The following SGIP1 variants were observed in gnomAD, a reference collection of about 807,000 sequenced individuals.
SGIP1 encodes the protein SH3-containing GRB2-like protein 3-interacting protein 1.
A neutral mutation model predicts 107.5 loss-of-function variants in SGIP1; 38 were observed. The observed-to-expected ratio is 0.35, with a 90% CI of 0.27 to 0.46. The LOEUF (loss-of-function observed/expected upper bound fraction) is 0.46, where lower values mean the gene tolerates loss of function less well. Among genes scored for constraint, SGIP1 ranks in the 20% least tolerant of loss-of-function variants. The pLI, the probability that SGIP1 is intolerant of heterozygous loss-of-function variation, is 1.00. For missense variants in SGIP1, 929 were observed against 1,019.5 expected (o/e 0.91, Z 1.21); for synonymous variants, 365 against 366.1 (o/e 1.00, Z 0.03).
chr1:66,541,384 G>T (rs934053153), intron 1 of SGIP1, among the ~76,000 whole-genome samples: 2 of 152,238 alleles, frequency 1.3e-5, no homozygotes, highest in South Asian at 2.1e-4. Flanking sequence ...TACCCGTTCT[G>T]TGAATGTCTT....
In SGIP1 at chr1:66,673,291, C is replaced by T; in HGVS notation, c.571C>T (p.Pro191Ser). Residue 191 changes from proline (P) to serine (S), a missense_variant, in exon 12 of 25, where the codon CCA (proline) becomes TCA (serine). Physicochemically the swap from Pro to Ser is moderately conservative, Grantham distance 74. Transcript: ENST00000371037. ...PTPELISKKP[P>S]DDTTALAPLF... ...ATGTGTGTGATTTAGCAAAAAGCCT[C>T]CAGATGACACTACGGCCCTTGCTCC... 6.2e-7 allele frequency: 1 copy of T among 1,614,042 alleles called. No homozygotes were observed. Among genetic ancestry groups the T allele is most frequent in the South Asian group, 1.1e-5 (1 of 91,066 alleles).
rs35405444 is a variant in SGIP1, at chr1:66,682,344, G to A, written c.1290G>A (p.Ser430=). Residue 430 remains serine (S), a synonymous_variant, in exon 15 of 25, where the codon TCG becomes TCA. Transcript: ENST00000371037. ...TGGTTTCGTCCCCCGGACCTGGCTCGGGCCCTGGTCCGGGGACCACCAGTG... is the reference window on the plus strand; with the variant it reads ...TGGTTTCGTCCCCCGGACCTGGCTCAGGCCCTGGTCCGGGGACCACCAGTG... The part of the protein sequence containing the change: ...RTVVSSPGPG[S]GPGPGTTSGA... The A allele has an allele frequency of 1.8e-3, 2,927 of 1,613,380 alleles. 51 individuals carry two copies. The African/African-American group carries it at 0.034, about 19-fold the overall frequency.
In SGIP1 at chr1:66,749,001, GA is replaced by G. The variant is rs1008396893; in HGVS notation, c.*5913del. ...TAAATAAAATAACCAGGAATGCTTT[GA>G]AAAAAATGCTTCTGGAATTTTGTTT... On this transcript the variant is annotated 3_prime_UTR_variant, in exon 25 of 25. Coordinates refer to ENST00000371037, the MANE Select transcript of SGIP1 (RefSeq NM_032291.4). Among the ~76,000 whole-genome samples, 6 of 151,562 alleles carry G rather than the reference GA, an allele frequency of 4.0e-5. No homozygotes were observed. In the East Asian group the frequency reaches 5.8e-4, roughly 15 times the overall value.
chr1:66,690,087 A>T, intron 16 of SGIP1, 103 bp from the exon 17 acceptor site: 7 of 1,336,340 alleles, frequency 5.2e-6, no homozygotes, highest in Non-Finnish European at 6.2e-6. Flanking sequence ...TATTCTTCAG[A>T]TACCTAAGTT....
chr1:66,565,746 T>G (rs570837300), intron 1 of SGIP1, among the ~76,000 whole-genome samples: 1 of 152,150 alleles, frequency 6.6e-6, no homozygotes, highest in East Asian at 1.9e-4. Flanking sequence ...TGCTTACACA[T>G]TTATTCAACA....
chr1:66,651,176 C>G (rs1187131937), intron 7 of SGIP1, among the ~76,000 whole-genome samples: 7 of 152,152 alleles, frequency 4.6e-5, no homozygotes, highest in Non-Finnish European at 8.8e-5. Context: ...ATATCAAAGT[C>G]ATCCTTTAAG....
intron 1 of SGIP1, among the ~76,000 whole-genome samples, chr1:66,574,969 C>T (rs1380832392): frequency 6.6e-6 from 1 of 152,112 alleles, no homozygotes; most frequent in Non-Finnish European, 1.5e-5. Flanking sequence ...AATGTTCTTC[C>T]ATTCCAAAAT....
At chr1:66,734,095 T>A (rs933217485) in intron 21 of SGIP1, among the ~76,000 whole-genome samples, 3 of 152,138 alleles carry the variant, frequency 2.0e-5, no homozygotes, top group African/African-American at 7.2e-5. Flanking sequence ...ACAAGTAAAA[T>A]ATTTTATCAC....
chr1:66,708,320 A>T (rs1455998699), intron 18 of SGIP1, among the ~76,000 whole-genome samples: 3 of 152,186 alleles, frequency 2.0e-5, no homozygotes, highest in African/African-American at 7.2e-5. Flanking sequence ...TGATATATTT[A>T]TTCATATTCT....
At chr1:66,544,188 A>G (rs936051212) in intron 1 of SGIP1, among the ~76,000 whole-genome samples, 20 of 152,110 alleles carry the variant, frequency 1.3e-4, no homozygotes, top group Admixed American at 9.8e-4. Context: ...TTTATTCTCA[A>G]TGTCCATGTG....
chr1:66,658,122 T>A (rs2080156383), intron 7 of SGIP1, among the ~76,000 whole-genome samples: 1 of 152,206 alleles, frequency 6.6e-6, no homozygotes, highest in Non-Finnish European at 1.5e-5. Flanking sequence ...TGTGTGTTCA[T>A]GTTTAGTCTT....
chr1:66,628,812 C>A (rs12081691), intron 2 of SGIP1, among the ~76,000 whole-genome samples: 3 of 151,232 alleles, frequency 2.0e-5, no homozygotes, highest in African/African-American at 7.3e-5. Context: ...GGTACTCTAA[C>A]GAGACATTTG....
rs144560693 is a variant in SGIP1 at position 66,586,203 on chromosome 1, T to A, written c.11-39644T>A. 1.4e-3 allele frequency among the ~76,000 whole-genome samples: 207 copies of A among 152,296 alleles called. 6 individuals carry two copies. The East Asian group carries it at 0.036, about 27-fold the overall frequency. On this transcript the variant is annotated intron_variant, in intron 1 of 24. Coordinates refer to ENST00000371037, the MANE Select transcript of SGIP1 (RefSeq NM_032291.4). ...GTCTTCATAATATATTTTCCCATGTTTTGCCTTCAATTTGCCTAGGTTATT... is the reference window on the plus strand; with the variant it reads ...GTCTTCATAATATATTTTCCCATGTATTGCCTTCAATTTGCCTAGGTTATT...
rs527647634 is a variant in SGIP1, at chr1:66,537,448, CT to C, written c.10+3083del. Among the ~76,000 whole-genome samples the C allele has an allele frequency of 4.6e-5, 7 of 152,206 alleles. No individual in the cohort carries two copies. In the South Asian group the frequency reaches 1.4e-3, roughly 31 times the overall value. On this transcript the variant is annotated intron_variant, in intron 1 of 24. Transcript: ENST00000371037. Reference sequence around the variant, plus strand: ...ATTATTAAAGTTTGAAAATGGCATTCTTTAGCTATCCTTTCTAAGATAACTG... The same window carrying C: ...ATTATTAAAGTTTGAAAATGGCATTCTTAGCTATCCTTTCTAAGATAACTG...
At chr1:66,740,762 C>CCATTT in intron 23 of SGIP1, 40 bp downstream of exon 23, 4 of 1,403,484 alleles carry the variant, frequency 2.9e-6, no homozygotes, top group Non-Finnish European at 4.0e-6. Context: ...ACATGTAAAG[C>CCATTT]TAAAATGGCT....
chr1:66,609,176 A>G (rs1274088435), intron 1 of SGIP1, among the ~76,000 whole-genome samples: 5 of 152,240 alleles, frequency 3.3e-5, no homozygotes, highest in African/African-American at 1.2e-4. Flanking sequence ...AATGCCTTCA[A>G]TTGGCTTAAA....
At chr1:66,690,008 G>A (rs773915146) in intron 16 of SGIP1, among the ~76,000 whole-genome samples, 182 bp from the exon 17 acceptor site, 13 of 152,140 alleles carry the variant, frequency 8.5e-5, no homozygotes, top group African/African-American at 2.9e-4. Flanking sequence ...ATGGTTTATC[G>A]TTTCTCCAGC....
At chr1:66,730,661 A>G (rs767723712) in intron 20 of SGIP1, among the ~76,000 whole-genome samples, 3 of 152,166 alleles carry the variant, frequency 2.0e-5, no homozygotes, top group Non-Finnish European at 4.4e-5. Context: ...GTGGCTTCGC[A>G]TTACACCTGT....
intron 8 of SGIP1, among the ~76,000 whole-genome samples, chr1:66,664,833 C>T (rs1204272057): frequency 6.6e-6 from 1 of 152,174 alleles, no homozygotes; most frequent in Admixed American, 6.5e-5. Flanking sequence ...ATGCTAGTCA[C>T]TCGTGTTTAT....
Sources: allele counts gnomAD v4.1 joint callset (sites outside exome capture counted in the v4.1 genomes callset), GRCh38; gene constraint gnomAD v4.1.1; transcripts MANE v1.5; gene names NCBI Gene and HGNC (gene_info 2026-07-23, HGNC 2026-07-21).